Variants in RPL31 observed in about 807,000 individuals in gnomAD.
The protein encoded by RPL31 is large ribosomal subunit protein eL31.
For synonymous variants in RPL31, 51 were observed against 55.0 expected (o/e 0.93, Z 0.32); for missense variants, 95 against 164.0 (o/e 0.58, Z 2.30).
chr2:101,008,159 C>T, downstream of RPL31: 5 of 1,613,804 alleles, frequency 3.1e-6, no homozygotes, highest in Non-Finnish European at 3.4e-6. Flanking sequence ...TGCCCCACCT[C>T]CCCGATCTGC....
At chr2:101,014,101 AGTGGTGGCT>A (rs996510312) in intron 4 of RPL31, among the ~76,000 whole-genome samples, 1 of 152,090 alleles carries the variant, frequency 6.6e-6, no homozygotes, top group African/African-American at 2.4e-5. Flanking sequence ...CCAATTTCTT[AGTGGTGGCT>A]TCTTGACGAT....
intron 2 of RPL31, 36 bp from the exon 3 acceptor site, chr2:101,004,122 G>GCT (rs1553469664): frequency 6.3e-7 from 1 of 1,599,714 alleles, no homozygotes; most frequent in Non-Finnish European, 8.5e-7. Context: ...TTAGTTTTGT[G>GCT]CTCCTTTAAT....
chr2:101,013,433 T>C (rs1470619439), intron 4 of RPL31, among the ~76,000 whole-genome samples: 1 of 152,236 alleles, frequency 6.6e-6, no homozygotes, highest in African/African-American at 2.4e-5. Flanking sequence ...TAGCCTGTAA[T>C]TCAAGCGTCT....
At chr2:101,014,367 T>C (rs750448621) in intron 4 of RPL31, among the ~76,000 whole-genome samples, 5 of 152,210 alleles carry the variant, frequency 3.3e-5, no homozygotes, top group Non-Finnish European at 5.9e-5. Context: ...GTAGCTGATA[T>C]CAGGACTGCT....
chr2:101,007,824 C>CAA (rs775746486), downstream of RPL31: 5 of 1,613,108 alleles, frequency 3.1e-6, 1 homozygote, highest in African/African-American at 5.3e-5. Context: ...TGTCTTGCTA[C>CAA]AAGTTACTCA....
intron 4 of RPL31, among the ~76,000 whole-genome samples, chr2:101,015,940 T>C (rs1679601658): frequency 6.6e-6 from 1 of 151,864 alleles, no homozygotes. Context: ...GATTAAAGAC[T>C]TAAACGTTAG....
chr2:101,015,378 T>C (rs1400220287), intron 4 of RPL31, among the ~76,000 whole-genome samples: 1 of 152,198 alleles, frequency 6.6e-6, no homozygotes, highest in African/African-American at 2.4e-5. Context: ...TGCCATAGAC[T>C]TTATAAACAC....
In RPL31 at chr2:101,007,022, A is replaced by G. The variant is rs1678773409; in HGVS notation, c.*641A>G. Reference sequence around the variant, plus strand: ...AGTGTTGCTGAGATTATGTTTCACCAGCATTTACAAGCTGTATGTTAAATG... The same window carrying G: ...AGTGTTGCTGAGATTATGTTTCACCGGCATTTACAAGCTGTATGTTAAATG... On this transcript the variant is annotated 3_prime_UTR_variant, in exon 5 of 5. Transcript: ENST00000264258. 1 of 152,294 alleles carries G rather than the reference A, an allele frequency of 6.6e-6. No individual in the cohort carries two copies. 9.4% of individuals were successfully genotyped at this position (152,294 alleles called of 1,614,324 possible). A position where few individuals can be genotyped will look rare whatever the true frequency, so the allele number is the denominator to read the frequency against.
chr2:101,002,898 T>A, intron 2 of RPL31, 90 bp downstream of exon 2: 1 of 938,086 alleles, frequency 1.1e-6, no homozygotes, highest in Non-Finnish European at 1.7e-6. Flanking sequence ...CCCAATCTTT[T>A]CCTCTTGTGG....
chr2:101,008,211 A>G, downstream of RPL31: 1 of 1,604,998 alleles, frequency 6.2e-7, no homozygotes, highest in Non-Finnish European at 8.5e-7. Context: ...GATACAAATC[A>G]TTTTCTTCTG....
downstream of RPL31, among the ~76,000 whole-genome samples, chr2:101,012,163 A>C (rs192909664): frequency 1.3e-5 from 2 of 152,346 alleles, no homozygotes; most frequent in African/African-American, 4.8e-5. Context: ...GGCAGTTTTT[A>C]AAAAAGTTAA....
chr2:101,006,191 T>C, intron 4 of RPL31, 120 bp downstream of exon 4: 3 of 1,509,968 alleles, frequency 2.0e-6, no homozygotes, highest in Non-Finnish European at 2.7e-6. Flanking sequence ...TTTTAAATTG[T>C]TGGTGTGGGA....
At chr2:101,008,782 G>A (rs1011873503), downstream of RPL31, among the ~76,000 whole-genome samples, 16 of 151,486 alleles carry the variant, frequency 1.1e-4, no homozygotes, top group Non-Finnish European at 2.1e-4. Context: ...TTGCACTCCA[G>A]CCTGGGCAAC....
intron 4 of RPL31, among the ~76,000 whole-genome samples, chr2:101,013,007 G>C (rs1679346274): frequency 6.6e-6 from 1 of 152,200 alleles, no homozygotes; most frequent in African/African-American, 2.4e-5. Flanking sequence ...CCAGAATAGT[G>C]CTGGGATGCC....
At chr2:101,015,347 G>A (rs1332012347) in intron 4 of RPL31, among the ~76,000 whole-genome samples, 1 of 152,162 alleles carries the variant, frequency 6.6e-6, no homozygotes, top group Non-Finnish European at 1.5e-5. Flanking sequence ...GAATATGAAG[G>A]CCTAGGACAT....
At chr2:101,003,787 CTGTCT>C (rs543522089) in intron 2 of RPL31, among the ~76,000 whole-genome samples, 131 of 152,302 alleles carry the variant, frequency 8.6e-4, no homozygotes, top group African/African-American at 3.1e-3. Flanking sequence ...AAAACATGTC[CTGTCT>C]TAAGACATGA....
chr2:101,011,627 C>T (rs775740928), downstream of RPL31: 51 of 1,405,098 alleles, frequency 3.6e-5, no homozygotes, highest in Non-Finnish European at 5.0e-5. Flanking sequence ...CAACTAAAGG[C>T]TAAGCCAGCA....
chr2:101,002,782 C>T lies in RPL31; in HGVS notation c.81C>T (p.Ile27=). The change falls in exon 2 of 5, where the codon ATC becomes ATT. Residue 27 remains isoleucine (I), a synonymous_variant. Coordinates refer to ENST00000264258, the MANE Select transcript of RPL31 (RefSeq NM_000993.5). ...AAGTGGTAACCCGAGAATACACCAT[C>T]AACATTCACAAGCGCATCCATGGAG... The part of the protein sequence containing the change: ...INEVVTREYT[I]NIHKRIHGVG... The T allele has an allele frequency of 6.2e-7, 1 of 1,613,964 alleles. No homozygotes were observed. Among genetic ancestry groups the T allele is most frequent in the Non-Finnish European group, 8.5e-7 (1 of 1,179,808 alleles).
At chr2:101,011,446 C>G (rs764939070), downstream of RPL31, 6 of 1,613,638 alleles carry the variant, frequency 3.7e-6, no homozygotes, top group African/African-American at 1.3e-5. Flanking sequence ...AAAAGAGGTA[C>G]GTGCCATTGG....
Sources: gnomAD v4.1 joint callset for allele counts (sites outside exome capture counted in the v4.1 genomes callset) on GRCh38, gnomAD v4.1.1 for gene constraint, MANE v1.5 for transcripts, NCBI Gene and HGNC (gene_info 2026-07-23, HGNC 2026-07-21) for gene names.